IMPA2: variants seen among roughly 807,000 people sequenced by gnomAD.
IMPA2 encodes the protein IMP 2.
IMPA2 carries 32 observed loss-of-function variants against 35.1 expected under a neutral mutation model. The observed-to-expected ratio is 0.91, with a 90% CI of 0.69 to 1.23. The LOEUF (loss-of-function observed/expected upper bound fraction) is 1.23, where lower values mean the gene tolerates loss of function less well. IMPA2 is among the 50% of genes most tolerant of loss of function. The pLI is 0.00. For missense variants in IMPA2, 334 were observed against 387.6 expected, an observed-to-expected ratio of 0.86 and a Z score of 1.16; for synonymous variants, 135 against 160.6, an observed-to-expected ratio of 0.84 and a Z score of 1.20.
chr18:12,022,098 A>G (rs929232344), intron 5 of IMPA2, among the ~76,000 whole-genome samples: 24 of 152,106 alleles, frequency 1.6e-4, no homozygotes, highest in African/African-American at 5.6e-4. Flanking sequence ...AATGACATTA[A>G]TTATAGTCAC....
intron 5 of IMPA2, among the ~76,000 whole-genome samples, chr18:12,015,574 G>A (rs1331639378): frequency 3.3e-5 from 5 of 152,202 alleles, no homozygotes. Flanking sequence ...AGAGGAGGTG[G>A]CTGCAGGAGA....
chr18:12,007,679 C>CTTTCTTTCTTTCTTTG (rs1207450457), intron 2 of IMPA2, among the ~76,000 whole-genome samples: 1 of 48,264 alleles, frequency 2.1e-5, no homozygotes, highest in East Asian at 1.3e-3. Flanking sequence ...TTCTTTCTTT[C>CTTTCTTTCTTTCTTTG]CTTTCTTTCC....
chr18:12,020,967 A>ACCTACTGTT (rs1907712174), intron 5 of IMPA2, among the ~76,000 whole-genome samples: 1 of 143,912 alleles, frequency 6.9e-6, no homozygotes, highest in African/African-American at 2.6e-5. Context: ...CTTTTTGGTT[A>ACCTACTGTT]CCTACTGTTA....
chr18:11,991,011 G>A lies in IMPA2; in HGVS notation c.97-8043G>A, dbSNP rs188440468. On this transcript the variant is annotated intron_variant, in intron 1 of 7. Transcript: ENST00000269159. The surrounding 1 kb of genome is among the most constrained non-coding windows in gnomAD (Gnocchi z 4.1). ...CGCTCTGTAAGCTTGAGCTCAGGCC[G>A]TGGAGCTGGGCAGGGTGTGAGGTGG... is the stretch of plus-strand genomic sequence containing the variant. Among the ~76,000 whole-genome samples the A allele has an allele frequency of 3.9e-5, 6 of 152,354 alleles. No homozygotes were observed. The East Asian group carries it at 5.8e-4, about 15-fold the overall frequency.
At chr18:12,020,347 C>T (rs1339111810) in intron 5 of IMPA2, among the ~76,000 whole-genome samples, 1 of 152,186 alleles carries the variant, frequency 6.6e-6, no homozygotes. Flanking sequence ...GCATGCACCA[C>T]CATGTCTGGC....
intron 5 of IMPA2, among the ~76,000 whole-genome samples, chr18:12,017,014 C>T (rs1331115087): frequency 6.6e-6 from 1 of 152,162 alleles, no homozygotes; most frequent in African/African-American, 2.4e-5. Context: ...CCACTAATCT[C>T]TCTCTCTTTC....
chr18:12,017,921 GT>G, intron 5 of IMPA2: 1 of 194,688 alleles, frequency 5.1e-6, no homozygotes, highest in Non-Finnish European at 1.0e-5. Flanking sequence ...TCGATAATGA[GT>G]TATACTGGGT....
At chr18:12,012,263 G>A in intron 4 of IMPA2, 48 bp downstream of exon 4, 1 of 1,520,540 alleles carries the variant, frequency 6.6e-7, no homozygotes, top group Non-Finnish European at 9.1e-7. Flanking sequence ...GGCTCCCTCT[G>A]GCCATCCTTC....
rs1907955517 is a variant in IMPA2 at position 12,028,800 on chromosome 18, C to T, written c.600-42C>T. ...GTCGGCTTGCACACCACAGAAAAGG[C>T]TCCACTCCCGCCTGCATCTGTCCTC... On this transcript the variant is annotated intron_variant, in intron 6 of 7. Coordinates refer to ENST00000269159, the MANE Select transcript of IMPA2 (RefSeq NM_014214.3). 1.9e-6 allele frequency: 3 copies of T among 1,596,830 alleles called. No homozygotes were observed. In the East Asian group the frequency reaches 6.7e-5, roughly 36 times the overall value.
rs1320653699 is a variant in IMPA2, at chr18:11,991,280, G to A, written c.97-7774G>A. Among the ~76,000 whole-genome samples the A allele has an allele frequency of 6.6e-6, 1 of 152,132 alleles. No homozygotes were observed. Among genetic ancestry groups the A allele is most frequent in the Non-Finnish European group, 1.5e-5 (1 of 68,018 alleles). On this transcript the variant is annotated intron_variant, in intron 1 of 7. Transcript: ENST00000269159. This position sits in a 1 kb window ranked among gnomAD's most constrained non-coding sequence, Gnocchi z 4.1. Reference sequence around the variant, plus strand: ...CCAGTGCCTTGTCAGGGCGGAGGGCGACTAGAGATCAAGGTGAGGGGAAAA... The same window carrying A: ...CCAGTGCCTTGTCAGGGCGGAGGGCAACTAGAGATCAAGGTGAGGGGAAAA...
chr18:12,016,481 A>G (rs1158073230), intron 5 of IMPA2, among the ~76,000 whole-genome samples: 2 of 149,056 alleles, frequency 1.3e-5, no homozygotes, highest in African/African-American at 5.0e-5. Flanking sequence ...GCTGGAGTGC[A>G]GTGGCACAAT....
chr18:12,006,290 C>T (rs2143798315), intron 2 of IMPA2, among the ~76,000 whole-genome samples: 1 of 152,322 alleles, frequency 6.6e-6, no homozygotes, highest in Non-Finnish European at 1.5e-5. Context: ...ATTTTTCCTC[C>T]TAGATCTGTT....
At chr18:12,023,961 C>T (rs1030004930) in intron 5 of IMPA2, among the ~76,000 whole-genome samples, 2 of 152,178 alleles carry the variant, frequency 1.3e-5, no homozygotes, top group African/African-American at 4.8e-5. Context: ...AAAATATGCA[C>T]ACCGTTTGAT....
At chr18:11,989,917 C>T (rs979410668) in intron 1 of IMPA2, among the ~76,000 whole-genome samples, 3 of 152,144 alleles carry the variant, frequency 2.0e-5, no homozygotes, top group African/African-American at 7.2e-5. Flanking sequence ...AGATACAGGC[C>T]CCCTCCTCGA....
At chr18:12,016,499 C>T (rs983281913) in intron 5 of IMPA2, among the ~76,000 whole-genome samples, 4 of 151,264 alleles carry the variant, frequency 2.6e-5, no homozygotes, top group African/African-American at 7.3e-5. Flanking sequence ...AATCTTGGCT[C>T]ACTGCAACCT....
chr18:12,012,047 A>G, intron 3 of IMPA2, 123 bp from the exon 4 acceptor site: 1 of 778,956 alleles, frequency 1.3e-6, no homozygotes, highest in Non-Finnish European at 2.1e-6. Context: ...TAGTTTTTAA[A>G]CAACCAACCC....
At chr18:11,984,772 C>T (rs1906609442) in intron 1 of IMPA2, among the ~76,000 whole-genome samples, 1 of 151,632 alleles carries the variant, frequency 6.6e-6, no homozygotes, top group South Asian at 2.1e-4. Flanking sequence ...TCAAGACCAT[C>T]CTGGCTAACA....
intron 2 of IMPA2, among the ~76,000 whole-genome samples, chr18:12,004,259 CTAAG>C (rs1465329388): frequency 1.3e-5 from 2 of 151,278 alleles, no homozygotes; most frequent in Non-Finnish European, 2.9e-5. Flanking sequence ...ACTAAACAGA[CTAAG>C]TAGCCAGAAG....
intron 2 of IMPA2, among the ~76,000 whole-genome samples, chr18:12,005,462 C>A (rs946460851): frequency 6.7e-6 from 1 of 150,352 alleles, no homozygotes; most frequent in Non-Finnish European, 1.5e-5. Context: ...TCCAGCCTGG[C>A]TGACAAAGCG....
Sources: gnomAD v4.1 joint callset for allele counts (sites outside exome capture counted in the v4.1 genomes callset) on GRCh38, gnomAD v4.1.1 for gene constraint, Gnocchi (gnomAD v3.1) non-coding constraint, MANE v1.5 for transcripts, NCBI Gene and HGNC (gene_info 2026-07-23, HGNC 2026-07-21) for gene names.